The following TMPRSS7 variants were observed in gnomAD, a reference collection of about 807,000 sequenced individuals.
The protein encoded by TMPRSS7 is transmembrane serine protease 7, also known as transmembrane protease serine 7.
Under a neutral mutation model 95.6 loss-of-function variants are expected in TMPRSS7, and 81 were observed. That is an observed-to-expected ratio of 0.85 (90% CI 0.71 to 1.02). The LOEUF is 1.02. Ranked by LOEUF, TMPRSS7 falls within the 50% of genes least tolerant of loss-of-function variation. TMPRSS7 has a pLI of 0.00. For missense variants in TMPRSS7, 945 were observed against 955.2 expected, an observed-to-expected ratio of 0.99 and a Z score of 0.14; for synonymous variants, 364 against 337.8, an observed-to-expected ratio of 1.08 and a Z score of -0.85.
In TMPRSS7 at chr3:112,074,311, A is replaced by G. The variant is rs371106755; in HGVS notation, c.1682A>G (p.Asn561Ser). 1.1e-4 allele frequency: 180 copies of G among 1,613,624 alleles called. No homozygotes were observed. The highest frequency in any genetic ancestry group is 1.4e-4 in the Non-Finnish European group (164 of 1,179,752). The change falls in exon 14 of 18, where the codon AAC becomes AGC. Residue 561 changes from asparagine (N) to serine (S), a missense_variant. Asn to Ser is a conservative substitution (Grantham distance 46). Coordinates refer to ENST00000452346, the Ensembl canonical transcript of TMPRSS7. ...CCATTGTTAGGTATTCCATGCAACA[A>G]CAGAACTTTTAAGTGTGGCAATGAT...
rs1269841200 is a variant in TMPRSS7, at chr3:112,047,856, A to G, written c.848A>G (p.Tyr283Cys). 3 of 1,614,126 alleles carry G rather than the reference A, an allele frequency of 1.9e-6. No individual in the cohort carries two copies. The highest frequency in any genetic ancestry group is 2.5e-6 in the Non-Finnish European group (3 of 1,180,010). ...TTCAAGCTGGTGGCCATAGTGGGCT[A>G]CCTGATTCGTCTCTCAATCAAGTCC... is the stretch of plus-strand genomic sequence containing the variant. Residue 283 changes from tyrosine (Y) to cysteine (C), a missense_variant, in exon 7 of 18, where the codon TAC becomes TGC. Tyr to Cys is a radical substitution (Grantham distance 194, BLOSUM62 -2). Transcript: ENST00000452346.
chr3:112,053,327 C>A (rs992809559), intron 9 of TMPRSS7, among the ~76,000 whole-genome samples: 2 of 152,114 alleles, frequency 1.3e-5, no homozygotes, highest in Non-Finnish European at 2.9e-5. Flanking sequence ...GCAGTCAACC[C>A]CCTTTGCAAA....
chr3:112,066,712 G>A (rs2073580520), intron 13 of TMPRSS7, among the ~76,000 whole-genome samples: 1 of 152,024 alleles, frequency 6.6e-6, no homozygotes, highest in Admixed American at 6.6e-5. Context: ...TCTAAATGGA[G>A]TGGAATGTGT....
At chr3:112,039,186 C>T (rs905599659) in intron 2 of TMPRSS7, among the ~76,000 whole-genome samples, 1 of 152,134 alleles carries the variant, frequency 6.6e-6, no homozygotes, top group Non-Finnish European at 1.5e-5. Context: ...GCAAGTATAG[C>T]CTTTGTTGAC....
rs1222132839 is a variant in TMPRSS7, at chr3:112,061,941, T to A, written c.1447+18T>A. ...CAGTCAACGTAAGCCTAGGATCACCTCCTTAGGAAAACTTAATACTTACAT... is the reference window on the plus strand; with the variant it reads ...CAGTCAACGTAAGCCTAGGATCACCACCTTAGGAAAACTTAATACTTACAT... On this transcript the variant is annotated intron_variant, in intron 11 of 17. Coordinates refer to ENST00000452346, the Ensembl canonical transcript of TMPRSS7. 6.3e-7 allele frequency: 1 copy of A among 1,580,186 alleles called. No homozygotes were observed. The highest frequency in any genetic ancestry group is 1.8e-5 in the Admixed American group (1 of 56,942).
intron 11 of TMPRSS7, among the ~76,000 whole-genome samples, chr3:112,062,409 A>G (rs1235715328): frequency 1.3e-5 from 2 of 152,220 alleles, no homozygotes; most frequent in Admixed American, 6.5e-5. Context: ...ACTGAAAACT[A>G]CTGGAAGAGC....
intron 3 of TMPRSS7, among the ~76,000 whole-genome samples, chr3:112,043,504 G>T (rs62280175): frequency 0.21 from 31,303 of 151,202 alleles, 3,763 homozygotes; most frequent in Middle Eastern, 0.29. Context: ...GTTCTGTGTT[G>T]CACAGTGAAT....
chr3:112,053,806 T>G (rs1020930681), intron 9 of TMPRSS7, among the ~76,000 whole-genome samples: 6 of 152,204 alleles, frequency 3.9e-5, no homozygotes, highest in African/African-American at 1.4e-4. Context: ...CCCCTTCTCC[T>G]TTTCTGGGTT....
At chr3:112,051,017 A>G (rs1357995341) in intron 9 of TMPRSS7, among the ~76,000 whole-genome samples, 5 of 152,222 alleles carry the variant, frequency 3.3e-5, no homozygotes, top group Non-Finnish European at 7.3e-5. Flanking sequence ...GTTGGTATTG[A>G]AAATGCAAAG....
chr3:112,063,663 T>G lies in TMPRSS7; in HGVS notation c.1555+31T>G, dbSNP rs1241261600. On this transcript the variant is annotated intron_variant, in intron 12 of 17. Coordinates refer to ENST00000452346, the Ensembl canonical transcript of TMPRSS7. ...TATTCAAGATTTTAATATGACTTTC[T>G]TATGAATAAGTAACTTCTCAGGACC... The G allele has an allele frequency of 7.7e-6, 12 of 1,552,104 alleles. No individual in the cohort carries two copies. The South Asian group carries it at 1.2e-4, about 16-fold the overall frequency.
intron 13 of TMPRSS7, 49 bp from the exon 14 acceptor site, chr3:112,074,247 A>C (rs368141776): frequency 1.5e-6 from 2 of 1,324,572 alleles, no homozygotes; most frequent in Non-Finnish European, 2.2e-6. Context: ...CATTCACTCA[A>C]GTTTGTTTCT....
chr3:112,078,967 A>G, intron 17 of TMPRSS7, 89 bp downstream of exon 17: 5 of 1,457,526 alleles, frequency 3.4e-6, no homozygotes, highest in Non-Finnish European at 4.6e-6. Flanking sequence ...GGAAATAACC[A>G]GGGCAGGTAT....
At chr3:112,042,094 C>A in intron 3 of TMPRSS7, 44 bp downstream of exon 3, 1 of 1,499,620 alleles carries the variant, frequency 6.7e-7, no homozygotes, top group Non-Finnish European at 9.1e-7. Context: ...AGTGGGTTTG[C>A]GGGGAGGTGG....
At chr3:112,051,671 CT>C (rs879900652) in intron 9 of TMPRSS7, among the ~76,000 whole-genome samples, 29,595 of 101,406 alleles carry the variant, frequency 0.29, 3,215 homozygotes, top group East Asian at 0.47. Flanking sequence ...TATCTATCAT[CT>C]ATCTATCTAT....
At chr3:112,079,666 A>G (rs2107766355) in intron 17 of TMPRSS7, among the ~76,000 whole-genome samples, 1 of 152,280 alleles carries the variant, frequency 6.6e-6, no homozygotes, top group Non-Finnish European at 1.5e-5. Flanking sequence ...TGAGTAGGAC[A>G]GTGGGAGCTG....
intron 13 of TMPRSS7, among the ~76,000 whole-genome samples, chr3:112,070,966 G>T (rs1466422908): frequency 6.6e-6 from 1 of 152,192 alleles, no homozygotes; most frequent in African/African-American, 2.4e-5. Context: ...ATATTGTTAT[G>T]TGTGAATTTT....
chr3:112,080,527 C>CACTACTACTACTACTACTACCACAACT (rs1553766165), intron 17 of TMPRSS7, among the ~76,000 whole-genome samples: 1 of 145,934 alleles, frequency 6.9e-6, no homozygotes, highest in Non-Finnish European at 1.5e-5. Context: ...TTTTAGCCCT[C>CACTACTACTACTACTACTACCACAACT]ACTACTACTA....
In TMPRSS7 at chr3:112,066,605, C is replaced by T. The variant is rs188128710; in HGVS notation, c.1666+103C>T. The T allele has an allele frequency of 1.5e-5, 15 of 1,026,304 alleles. No homozygotes were observed. The East Asian group carries it at 3.9e-4, about 26-fold the overall frequency. The allele number at this position is 1,026,304 out of a possible 1,614,324, so 63.6% of individuals were successfully genotyped here. Reference sequence around the variant, plus strand: ...TTAGGGGTTAGGGCAATCAACTTGTCCCAGGTTCTCTGGAACTTCTCCAGT... The same window carrying T: ...TTAGGGGTTAGGGCAATCAACTTGTTCCAGGTTCTCTGGAACTTCTCCAGT... On this transcript the variant is annotated intron_variant, in intron 13 of 17. Coordinates refer to ENST00000452346, the Ensembl canonical transcript of TMPRSS7.
exon 6 of TMPRSS7, chr3:112,046,995 C>T (rs937172392): frequency 4.3e-5 from 30 of 702,608 alleles, no homozygotes; most frequent in Admixed American, 3.4e-4. Flanking sequence ...TCGGATTACT[C>T]GTCAACCATA....
Sources: allele counts gnomAD v4.1 joint callset (sites outside exome capture counted in the v4.1 genomes callset), GRCh38; gene constraint gnomAD v4.1.1; transcripts MANE v1.5; gene names NCBI Gene and HGNC (gene_info 2026-07-23, HGNC 2026-07-21).